The following NFATC4 variants were observed in gnomAD, a reference collection of about 807,000 sequenced individuals.
NFATC4 encodes nuclear factor of activated T-cells, cytoplasmic 4.
In NFATC4, 25 loss-of-function variants were observed where a neutral mutation model predicts 73.4. That is an observed-to-expected ratio of 0.34 (90% CI 0.25 to 0.48). NFATC4 has a LOEUF of 0.48. Ranked by LOEUF, NFATC4 falls within the 20% of genes least tolerant of loss-of-function variation. The pLI is 0.99. For synonymous variants in NFATC4, 523 were observed against 510.3 expected (o/e 1.02, Z -0.34); for missense variants, 1,130 against 1,203.7 (o/e 0.94, Z 0.91).
chr14:24,367,689 G>A, upstream of NFATC4: 1 of 1,532,446 alleles, frequency 6.5e-7, no homozygotes, highest in Non-Finnish European at 8.7e-7. Context: ...TTCCTCTTCC[G>A]AGCAACTCGG....
At position 24,371,186 on chromosome 14, in the gene NFATC4, A is replaced by G. The variant is rs535778231; in HGVS notation, c.1196+592A>G. Among the ~76,000 whole-genome samples the G allele has an allele frequency of 3.3e-5, 5 of 152,378 alleles. 1 individual carries two copies. In the South Asian group the frequency reaches 1.0e-3, roughly 32 times the overall value. ...CCCTCAGAGAATCTTGCCCATTTCA[A>G]TAATCTTAAATCTTGAGATGTTAGA... is the stretch of plus-strand genomic sequence containing the variant. On this transcript the variant is annotated intron_variant, in intron 2 of 9. Coordinates refer to ENST00000250373, the MANE Select transcript of NFATC4 (RefSeq NM_004554.5).
intron 2 of NFATC4, among the ~76,000 whole-genome samples, chr14:24,371,109 A>C (rs1242627007): frequency 1.3e-5 from 2 of 152,250 alleles, no homozygotes; most frequent in Non-Finnish European, 2.9e-5. Context: ...AAAATAGCAT[A>C]TATTTGCAAG....
chr14:24,372,722 C>G (rs1177146454), intron 3 of NFATC4, 119 bp downstream of exon 3: 6 of 1,337,506 alleles, frequency 4.5e-6, no homozygotes, highest in Non-Finnish European at 6.2e-6. Flanking sequence ...TGCAGGCAGC[C>G]TGGGGGAGGG....
chr14:24,368,414 C>A lies in NFATC4; in HGVS notation c.74C>A (p.Pro25Gln). ...LVFGEEKEAPPLGAGGLGEEL... is the reference protein window; with the variant it reads ...LVFGEEKEAPQLGAGGLGEEL... ...TTCGGGGAGGAAAAGGAGGCCCCCC[C>A]GCTGGGCGCGGGGGGATTGGGGGAA... Residue 25 changes from proline to glutamine, a missense_variant, in exon 1 of 10, where the codon CCG (proline) becomes CAG (glutamine). This residue lies in a region of NFATC4 where 585 missense variants were observed against 574.3 expected (regional missense o/e 1.02). Coordinates refer to ENST00000250373, the MANE Select transcript of NFATC4 (RefSeq NM_004554.5). 2 of 1,342,252 alleles carry A rather than the reference C, an allele frequency of 1.5e-6. No homozygotes were observed. The highest frequency in any genetic ancestry group is 9.6e-7 in the Non-Finnish European group (1 of 1,044,444). The allele number at this position is 1,342,252 out of a possible 1,614,324, so 83.1% of individuals were successfully genotyped here.
Position 24,369,622 on chromosome 14 carries a change from C to G in NFATC4, c.224C>G (p.Pro75Arg). The change falls in exon 2 of 10, where the codon CCG becomes CGG. Residue 75 changes from proline (P) to arginine (R), a missense_variant. By Grantham distance (103) the Pro-to-Arg change is moderately radical. Coordinates refer to ENST00000250373, the MANE Select transcript of NFATC4 (RefSeq NM_004554.5). ...CCTCGGCCTGGCATGCATTCGCCACCGCCGCGACCAGCCCCCTCACCTGGC... is the reference window on the plus strand; with the variant it reads ...CCTCGGCCTGGCATGCATTCGCCACGGCCGCGACCAGCCCCCTCACCTGGC... Reference protein sequence around the residue: ...PPPRPGMHSPPPRPAPSPGTW... With the variant: ...PPPRPGMHSPRPRPAPSPGTW... The G allele has an allele frequency of 2.5e-6, 4 of 1,613,266 alleles. No homozygotes were observed. Among genetic ancestry groups the G allele is most frequent in the Non-Finnish European group, 3.4e-6 (4 of 1,179,880 alleles).
Position 24,370,339 on chromosome 14 carries a change from C to A in NFATC4, c.941C>A (p.Pro314His). Residue 314 changes from proline to histidine, a missense_variant, in exon 2 of 10, where the codon CCC (proline) becomes CAC (histidine). Physicochemically the swap from Pro to His is moderately conservative, Grantham distance 77. Transcript: ENST00000250373. ...GCCCGGGACCCGGGCTCCCCTGGTC[C>A]CTTTGACTATGTGGGGGCCCCACCA... is the stretch of plus-strand genomic sequence containing the variant. ...PLARDPGSPG[P>H]FDYVGAPPAE... 1.2e-6 allele frequency: 2 copies of A among 1,613,548 alleles called. No individual in the cohort carries two copies. The highest frequency in any genetic ancestry group is 4.5e-5 in the East Asian group (2 of 44,870).
Position 24,377,196 on chromosome 14 carries a change from C to A in NFATC4, c.2641+318C>A. On this transcript the variant is annotated intron_variant, in intron 9 of 9. Coordinates refer to ENST00000250373, the MANE Select transcript of NFATC4 (RefSeq NM_004554.5). This position sits in a 1 kb window ranked among gnomAD's most constrained non-coding sequence, Gnocchi z 4.2. ...AGCGCATTCAATTTGCAAGTTTAGG[C>A]GTTGAGTTCCAGAGAGGGATGGTAG... 3 of 1,267,520 alleles carry A rather than the reference C, an allele frequency of 2.4e-6. No homozygotes were observed. Among genetic ancestry groups the A allele is most frequent in the Non-Finnish European group, 3.0e-6 (3 of 1,008,738 alleles). The allele number at this position is 1,267,520 out of a possible 1,614,324, so 78.5% of individuals were successfully genotyped here. A position where few individuals can be genotyped will look rare whatever the true frequency, so the allele number is the denominator to read the frequency against.
chr14:24,375,314 C>G (rs780210467), intron 6 of NFATC4, among the ~76,000 whole-genome samples: 2 of 152,108 alleles, frequency 1.3e-5, no homozygotes, highest in Non-Finnish European at 1.5e-5. Flanking sequence ...GAGCTAGGAC[C>G]CTTTCCTACC....
chr14:24,370,652 G>C (rs1485779331), intron 2 of NFATC4, 58 bp downstream of exon 2: 9 of 1,550,954 alleles, frequency 5.8e-6, no homozygotes, highest in Middle Eastern at 3.5e-4. Context: ...GGGAGCAGGA[G>C]GGTCAAGGGA....
rs2139316188 is a variant in NFATC4 at position 24,377,410 on chromosome 14, C to A, written c.2642-228C>A. ...TTCAGGCTAAGCCAGCAGGAAAGGG[C>A]TAGGACGGGTGCCTGGGAGCCCACA... On this transcript the variant is annotated intron_variant, in intron 9 of 9. Transcript: ENST00000250373. This position sits in a 1 kb window ranked among gnomAD's most constrained non-coding sequence, Gnocchi z 4.2. 4 of 1,414,616 alleles carry A rather than the reference C, an allele frequency of 2.8e-6. No individual in the cohort carries two copies. Among genetic ancestry groups the A allele is most frequent in the Non-Finnish European group, 3.7e-6 (4 of 1,087,772 alleles). The allele number at this position is 1,414,616 out of a possible 1,614,324, so 87.6% of individuals were successfully genotyped here. A position where few individuals can be genotyped will look rare whatever the true frequency, so the allele number is the denominator to read the frequency against.
intron 5 of NFATC4, 57 bp from the exon 6 acceptor site, chr14:24,374,269 G>A: frequency 1.3e-6 from 2 of 1,561,186 alleles, no homozygotes; most frequent in Admixed American, 1.9e-5. Context: ...TGGGGACAGA[G>A]GAGGCCACCC....
Position 24,370,541 on chromosome 14 carries a change from C to T in NFATC4, c.1143C>T (p.Pro381=). ...EVAGMDYLAV[P]SPLAWSKARI... Reference sequence around the variant, plus strand: ...CTGGCATGGACTACCTGGCAGTGCCCTCCCCACTCGCTTGGTCCAAGGCCC... The same window carrying T: ...CTGGCATGGACTACCTGGCAGTGCCTTCCCCACTCGCTTGGTCCAAGGCCC... Residue 381 remains proline, a synonymous_variant, in exon 2 of 10, where the codon CCC becomes CCT. Coordinates refer to ENST00000250373, the MANE Select transcript of NFATC4 (RefSeq NM_004554.5). 4 of 1,613,956 alleles carry T rather than the reference C, an allele frequency of 2.5e-6. No homozygotes were observed. The highest frequency in any genetic ancestry group is 3.4e-6 in the Non-Finnish European group (4 of 1,179,848).
Position 24,370,268 on chromosome 14 carries a change from G to T in NFATC4, c.870G>T (p.Leu290=), listed in dbSNP as rs753391587. ...CAGCTCTGTCCCGCCGTGGCAGCCT[G>T]GGGGAAGAGGGGTCTGAGCCACCTC... ...ASPALSRRGS[L]GEEGSEPPPP... is the part of the protein sequence containing the mutation. The change falls in exon 2 of 10, where the codon CTG becomes CTT. Residue 290 remains leucine (L), a synonymous_variant. Coordinates refer to ENST00000250373, the MANE Select transcript of NFATC4 (RefSeq NM_004554.5). 1 of 1,612,582 alleles carries T rather than the reference G, an allele frequency of 6.2e-7. No homozygotes were observed. The highest frequency in any genetic ancestry group is 1.1e-5 in the South Asian group (1 of 91,046).
rs779970945 is a variant in NFATC4 at position 24,369,708 on chromosome 14, G to T, written c.310G>T (p.Gly104Cys). ...RLGGPGGGAG[G>C]AGGGRVLECP... ...GGGAGGACCAGGAGGGGGTGCTGGG[G>T]GTGCTGGGGGTGGCCGTGTTCTCGA... The change falls in exon 2 of 10, where the codon GGT (glycine) becomes TGT (cysteine). Residue 104 changes from glycine (G) to cysteine (C), a missense_variant. Around this residue, in one of 3 missense-constraint regions of NFATC4, gnomAD observed 585 missense variants for 574.3 expected, o/e 1.02. Transcript: ENST00000250373. 42 of 1,610,750 alleles carry T rather than the reference G, an allele frequency of 2.6e-5. No individual in the cohort carries two copies. Among genetic ancestry groups the T allele is most frequent in the African/African-American group, 4.0e-5 (3 of 74,860 alleles).
Position 24,379,001 on chromosome 14 carries a change from CT to C in NFATC4, c.*1297del, listed in dbSNP as rs1337230189. The C allele has an allele frequency of 1.3e-5, 2 of 152,258 alleles. No homozygotes were observed. Among genetic ancestry groups the C allele is most frequent in the Non-Finnish European group, 2.9e-5 (2 of 68,128 alleles). The allele number at this position is 152,258 out of a possible 1,614,324, so 9.4% of individuals were successfully genotyped here. A position where few individuals can be genotyped will look rare whatever the true frequency, so the allele number is the denominator to read the frequency against. ...TAGGCTTGGCTGCAGGGGGACGTGCCTAAAAGACATTCCGGGCATTTGCACT... is the reference window on the plus strand; with the variant it reads ...TAGGCTTGGCTGCAGGGGGACGTGCCAAAAGACATTCCGGGCATTTGCACT... On this transcript the variant is annotated 3_prime_UTR_variant, in exon 10 of 10. Transcript: ENST00000250373.
At chr14:24,369,126 G>T in intron 1 of NFATC4, 2 of 1,440,336 alleles carry the variant, frequency 1.4e-6, no homozygotes, top group Non-Finnish European at 1.8e-6. Context: ...CCGTTTGGGG[G>T]TTTGGGAACC....
chr14:24,370,925 C>T (rs1280587971), intron 2 of NFATC4, among the ~76,000 whole-genome samples: 2 of 152,194 alleles, frequency 1.3e-5, no homozygotes, highest in African/African-American at 4.8e-5. Flanking sequence ...CCGCTCTGCA[C>T]TGGCATGTGG....
chr14:24,369,347 C>A, intron 1 of NFATC4, 152 bp from the exon 2 acceptor site: 1 of 1,598,590 alleles, frequency 6.3e-7, no homozygotes, highest in Non-Finnish European at 8.5e-7. Context: ...TTCCCAGGTC[C>A]AACTCTGCTT....
Position 24,375,657 on chromosome 14 carries a change from C to T in NFATC4, c.1874-3C>T, listed in dbSNP as rs888928421. 8.4e-6 allele frequency: 13 copies of T among 1,542,384 alleles called. No individual in the cohort carries two copies. The Admixed American group carries it at 1.8e-4, about 21-fold the overall frequency. ...GCTGCAGCTCTCTGTTCCCTCTGGACAGATGGGAAGCTGCAATGGGAGGAG... is the reference window on the plus strand; with the variant it reads ...GCTGCAGCTCTCTGTTCCCTCTGGATAGATGGGAAGCTGCAATGGGAGGAG... On this transcript the variant is annotated splice_polypyrimidine_tract_variant and splice_region_variant and intron_variant, in intron 6 of 9. Coordinates refer to ENST00000250373, the MANE Select transcript of NFATC4 (RefSeq NM_004554.5).
Sources: allele counts gnomAD v4.1 joint callset (sites outside exome capture counted in the v4.1 genomes callset), GRCh38; gene constraint gnomAD v4.1.1; regional missense constraint gnomAD v4.1.1; non-coding constraint Gnocchi (gnomAD v3.1); transcripts MANE v1.5; gene names NCBI Gene and HGNC (gene_info 2026-07-23, HGNC 2026-07-21).